Variants in NOX4 observed in about 807,000 individuals in gnomAD.
NOX4 encodes NADPH oxidase 4.
In NOX4, 69 loss-of-function variants were observed where a neutral mutation model predicts 87.6. The ratio of observed to expected loss-of-function variants is 0.79; its 90% CI spans 0.65 to 0.96. NOX4 has a LOEUF of 0.96. NOX4 is among the 40% of genes least tolerant of loss of function. The pLI, the probability that NOX4 is intolerant of heterozygous loss-of-function variation, is 0.00. For synonymous variants in NOX4, 275 were observed against 238.2 expected, an observed-to-expected ratio of 1.15 and a Z score of -1.42; for missense variants, 680 against 681.5, an observed-to-expected ratio of 1.00 and a Z score of 0.02.
At chr11:89,456,963 C>T (rs1945230962) in intron 2 of NOX4, among the ~76,000 whole-genome samples, 1 of 152,198 alleles carries the variant, frequency 6.6e-6, no homozygotes, top group South Asian at 2.1e-4. Context: ...GCTGGCCTCT[C>T]CTGGGTACAG....
chr11:89,506,117 A>C, the NOX4 span, among the ~76,000 whole-genome samples: 1 of 151,832 alleles, frequency 6.6e-6, no homozygotes, highest in South Asian at 2.1e-4. Context: ...ACACATATGG[A>C]AACTGATTTG....
chr11:89,529,840 C>T, the NOX4 span, among the ~76,000 whole-genome samples: 1 of 152,022 alleles, frequency 6.6e-6, no homozygotes, highest in Non-Finnish European at 1.5e-5. Context: ...AAACTGGACA[C>T]AATGTACAAA....
chr11:89,405,610 A>G (rs538463369), intron 8 of NOX4, among the ~76,000 whole-genome samples: 1 of 149,446 alleles, frequency 6.7e-6, no homozygotes, highest in East Asian at 2.0e-4. Flanking sequence ...ACAGACAATG[A>G]TAAAATCATT....
the NOX4 span, among the ~76,000 whole-genome samples, chr11:89,576,606 T>A: frequency 6.6e-6 from 1 of 152,168 alleles, no homozygotes; most frequent in Non-Finnish European, 1.5e-5. Context: ...CGCCATATAG[T>A]TAATGCCAAG....
At chr11:89,521,211 C>T in the NOX4 span, among the ~76,000 whole-genome samples, 1 of 151,792 alleles carries the variant, frequency 6.6e-6, no homozygotes, top group African/African-American at 2.4e-5. Context: ...AAAAAATGAC[C>T]CTGAATAGCC....
At chr11:89,441,225 G>A (rs78817345) in intron 5 of NOX4, among the ~76,000 whole-genome samples, 2,306 of 152,254 alleles carry the variant, frequency 0.015, 62 homozygotes, top group African/African-American at 0.052. Context: ...GAAAAGTGGT[G>A]AGGATACTCA....
chr11:89,568,579 T>C, the NOX4 span, among the ~76,000 whole-genome samples: 1 of 152,200 alleles, frequency 6.6e-6, no homozygotes, highest in Non-Finnish European at 1.5e-5. Context: ...GTAGGAAGAA[T>C]CAATATTGTT....
At chr11:89,570,428 G>T in the NOX4 span, among the ~76,000 whole-genome samples, 2 of 152,124 alleles carry the variant, frequency 1.3e-5, no homozygotes, top group African/African-American at 2.4e-5. Context: ...GAAATAATCT[G>T]TGTAAGAAAC....
intron 11 of NOX4, among the ~76,000 whole-genome samples, chr11:89,381,295 G>T (rs1170221441): frequency 6.6e-6 from 1 of 152,126 alleles, no homozygotes; most frequent in Non-Finnish European, 1.5e-5. Flanking sequence ...TGTCAGGAAA[G>T]CATGTTTGTG....
At chr11:89,556,285 G>T in the NOX4 span, among the ~76,000 whole-genome samples, 1 of 152,114 alleles carries the variant, frequency 6.6e-6, no homozygotes, top group Non-Finnish European at 1.5e-5. Flanking sequence ...AAAAATTCTA[G>T]CACAAGGCGA....
At chr11:89,542,443 AT>A in the NOX4 span, among the ~76,000 whole-genome samples, 5 of 152,036 alleles carry the variant, frequency 3.3e-5, no homozygotes, top group Non-Finnish European at 4.4e-5. Flanking sequence ...AAGTTATGTG[AT>A]TTTTTTTAGG....
chr11:89,373,838 C>T (rs1053971448), intron 11 of NOX4, among the ~76,000 whole-genome samples: 44 of 151,980 alleles, frequency 2.9e-4, no homozygotes, highest in South Asian at 6.2e-4. Context: ...AAGGAAGAAA[C>T]AAAAACTAAT....
chr11:89,438,808 ATTATATATATTATATAATATC>A (rs1565293297), intron 6 of NOX4, among the ~76,000 whole-genome samples: 2 of 24,870 alleles, frequency 8.0e-5, no homozygotes, highest in East Asian at 3.6e-3. Context: ...TATATTATAT[ATTATATATATTATATAATATC>A]TTATATATTA....
At chr11:89,469,656 G>T (rs759390930) in intron 2 of NOX4, among the ~76,000 whole-genome samples, 21 of 152,104 alleles carry the variant, frequency 1.4e-4, no homozygotes, top group Non-Finnish European at 2.5e-4. Context: ...CCTCTTCATG[G>T]TCTGTGTCAC....
At chr11:89,380,580 G>T (rs1940206751) in intron 11 of NOX4, among the ~76,000 whole-genome samples, 2 of 152,148 alleles carry the variant, frequency 1.3e-5, no homozygotes, top group East Asian at 3.9e-4. Context: ...CAAAAATAAG[G>T]ATTGAATAAA....
chr11:89,376,126 T>C (rs1387005189), intron 11 of NOX4, among the ~76,000 whole-genome samples: 1 of 152,218 alleles, frequency 6.6e-6, no homozygotes, highest in Non-Finnish European at 1.5e-5. Flanking sequence ...TATCTTCGAA[T>C]GCTAATCTGG....
At chr11:89,464,151 C>T (rs1945582264) in intron 2 of NOX4, among the ~76,000 whole-genome samples, 1 of 151,942 alleles carries the variant, frequency 6.6e-6, no homozygotes, top group East Asian at 1.9e-4. Context: ...CTATGTATTG[C>T]ATGTCTGGAA....
chr11:89,514,097 T>G, the NOX4 span, among the ~76,000 whole-genome samples: 1 of 152,082 alleles, frequency 6.6e-6, no homozygotes, highest in African/African-American at 2.4e-5. Context: ...AGACAGAGAA[T>G]ATTGTCATTT....
At chr11:89,434,451 G>T (rs934666414) in intron 6 of NOX4, among the ~76,000 whole-genome samples, 1 of 151,816 alleles carries the variant, frequency 6.6e-6, no homozygotes, top group Non-Finnish European at 1.5e-5. Context: ...CCTTTTTCAT[G>T]ATTTTTCCAT....
Sources: gnomAD v4.1 joint callset for allele counts (sites outside exome capture counted in the v4.1 genomes callset) on GRCh38, gnomAD v4.1.1 for gene constraint, MANE v1.5 for transcripts, NCBI Gene and HGNC (gene_info 2026-07-23, HGNC 2026-07-21) for gene names.